KCND3: variants seen among roughly 807,000 people sequenced by gnomAD.
KCND3 encodes potassium voltage-gated channel subfamily D member 3.
A neutral mutation model predicts 51.1 loss-of-function variants in KCND3; 9 were observed. The observed-to-expected ratio is 0.18, with a 90% confidence interval of 0.11 to 0.31. KCND3 has a LOEUF of 0.31. Ranked by LOEUF, KCND3 falls within the 10% of genes least tolerant of loss-of-function variation. KCND3 has a pLI of 1.00. For missense variants in KCND3, 526 were observed against 903.8 expected (o/e 0.58, Z 5.36); for synonymous variants, 349 against 368.0 (o/e 0.95, Z 0.59).
At chr1:111,828,434 C>T (rs2101614113) in intron 2 of KCND3, among the ~76,000 whole-genome samples, 1 of 152,292 alleles carries the variant, frequency 6.6e-6, no homozygotes, top group South Asian at 2.1e-4. Context: ...TCAACTGCAT[C>T]TCCCATTAGT....
At chr1:111,903,445 A>C (rs1475318347) in intron 2 of KCND3, among the ~76,000 whole-genome samples, 2 of 152,190 alleles carry the variant, frequency 1.3e-5, no homozygotes, top group Admixed American at 1.3e-4. Context: ...AACTGTGGCC[A>C]AGCCTCCGAA....
At chr1:111,878,872 C>T (rs1248153138) in intron 2 of KCND3, among the ~76,000 whole-genome samples, 1 of 152,156 alleles carries the variant, frequency 6.6e-6, no homozygotes, top group Non-Finnish European at 1.5e-5. Flanking sequence ...GGGGGGTTTC[C>T]TGATGAGATC....
intron 2 of KCND3, among the ~76,000 whole-genome samples, chr1:111,792,942 T>C (rs1242322018): frequency 6.7e-6 from 1 of 148,768 alleles, no homozygotes; most frequent in Non-Finnish European, 1.5e-5. Flanking sequence ...TTATTTTATA[T>C]ATAAAATAAT....
At position 111,978,905 on chromosome 1, in the gene KCND3, G is replaced by C. The variant is rs186738779; in HGVS notation, c.1106+2716C>G. Among the ~76,000 whole-genome samples the C allele has an allele frequency of 2.0e-5, 3 of 152,312 alleles. No individual in the cohort carries two copies. In the East Asian group the frequency reaches 5.8e-4, roughly 29 times the overall value. ...TAATCAAGCAACGAGCCTGGTAATGGTGTCAACTGCCAACTCAGGTCAAAG... is the reference window on the plus strand; with the variant it reads ...TAATCAAGCAACGAGCCTGGTAATGCTGTCAACTGCCAACTCAGGTCAAAG... On this transcript the variant is annotated intron_variant, in intron 2 of 7. Transcript: ENST00000302127.
chr1:111,858,613 T>C (rs1668197204), intron 2 of KCND3, among the ~76,000 whole-genome samples: 1 of 152,234 alleles, frequency 6.6e-6, no homozygotes, highest in Admixed American at 6.5e-5. Context: ...AAAAGTGTTG[T>C]GGGCCCTAAG....
At chr1:111,943,105 A>G (rs548533860) in intron 2 of KCND3, among the ~76,000 whole-genome samples, 1 of 152,182 alleles carries the variant, frequency 6.6e-6, no homozygotes, top group East Asian at 1.9e-4. Context: ...CCAGGAGTGA[A>G]GTGAGTGTTC....
intron 2 of KCND3, among the ~76,000 whole-genome samples, chr1:111,945,894 G>A (rs927345055): frequency 2.8e-4 from 42 of 152,224 alleles, no homozygotes; most frequent in Non-Finnish European, 3.8e-4. Flanking sequence ...CAAGGAGCAT[G>A]GGCTTTGGCG....
chr1:111,786,853 T>C (rs1209205323), intron 3 of KCND3, 91 bp downstream of exon 3: 1 of 1,488,736 alleles, frequency 6.7e-7, no homozygotes, highest in Non-Finnish European at 9.3e-7. Context: ...ATCTGTGCAG[T>C]GATCCTGTGA....
At chr1:111,806,920 G>A (rs1036064925) in intron 2 of KCND3, among the ~76,000 whole-genome samples, 2 of 152,298 alleles carry the variant, frequency 1.3e-5, no homozygotes, top group South Asian at 4.1e-4. Flanking sequence ...TACCTTCAGG[G>A]TGAAGACGAA....
chr1:111,864,301 A>G, intron 2 of KCND3, among the ~76,000 whole-genome samples: 1 of 152,196 alleles, frequency 6.6e-6, no homozygotes, highest in East Asian at 1.9e-4. Flanking sequence ...GGTACTCCCA[A>G]GATTGCTGTT....
intron 2 of KCND3, among the ~76,000 whole-genome samples, chr1:111,814,978 T>A (rs893084821): frequency 6.6e-6 from 1 of 152,260 alleles, no homozygotes; most frequent in Non-Finnish European, 1.5e-5. Flanking sequence ...CCTTGACTCA[T>A]GTGGTACCTT....
intron 2 of KCND3, among the ~76,000 whole-genome samples, chr1:111,863,630 G>A (rs1346911100): frequency 6.6e-6 from 1 of 152,250 alleles, no homozygotes; most frequent in Non-Finnish European, 1.5e-5. Context: ...CAATGAAGTA[G>A]GAGAGGCAGA....
intron 2 of KCND3, among the ~76,000 whole-genome samples, chr1:111,898,580 G>A (rs141678849): frequency 7.7e-4 from 117 of 152,312 alleles, no homozygotes; most frequent in African/African-American, 2.7e-3. Flanking sequence ...TAAGCAATAA[G>A]TGAAATGAAA....
intron 2 of KCND3, among the ~76,000 whole-genome samples, chr1:111,963,131 C>G (rs12131180): frequency 0.16 from 23,707 of 152,200 alleles, 2,148 homozygotes; most frequent in East Asian, 0.3. Flanking sequence ...ATCAGCTAAG[C>G]CAGACCAGAC....
intron 2 of KCND3, among the ~76,000 whole-genome samples, chr1:111,808,071 C>T (rs986294389): frequency 6.6e-6 from 1 of 152,158 alleles, no homozygotes; most frequent in Non-Finnish European, 1.5e-5. Flanking sequence ...TAAATAAACA[C>T]AGCTGAAGAG....
intron 2 of KCND3, among the ~76,000 whole-genome samples, chr1:111,928,437 TC>T (rs1285187679): frequency 6.6e-6 from 1 of 152,076 alleles, no homozygotes; most frequent in African/African-American, 2.4e-5. Context: ...CTGTTCCACC[TC>T]AGTGGAAAGC....
intron 2 of KCND3, among the ~76,000 whole-genome samples, chr1:111,911,224 A>G (rs886931597): frequency 6.6e-6 from 1 of 152,232 alleles, no homozygotes; most frequent in African/African-American, 2.4e-5. Flanking sequence ...TGACTTTTGT[A>G]ATGCAAATTT....
chr1:111,967,135 C>A (rs1304302224), intron 2 of KCND3, among the ~76,000 whole-genome samples: 2 of 143,146 alleles, frequency 1.4e-5, no homozygotes, highest in Admixed American at 7.1e-5. Flanking sequence ...AGTGAGATTC[C>A]GTCTCAAAAA....
intron 2 of KCND3, among the ~76,000 whole-genome samples, chr1:111,848,117 T>C (rs949087719): frequency 1.3e-5 from 2 of 152,220 alleles, no homozygotes; most frequent in Admixed American, 6.5e-5. Context: ...GACTGGAGCA[T>C]ATGCCTTGTC....
Sources: allele counts gnomAD v4.1 joint callset (sites outside exome capture counted in the v4.1 genomes callset), GRCh38; gene constraint gnomAD v4.1.1; transcripts MANE v1.5; gene names NCBI Gene and HGNC (gene_info 2026-07-23, HGNC 2026-07-21).